Variants in ZNF385B observed in about 807,000 individuals in gnomAD.
ZNF385B encodes the protein zinc finger protein 533.
Under a neutral mutation model 39.2 loss-of-function variants are expected in ZNF385B, and 23 were observed. The observed-to-expected ratio is 0.59, with a 90% CI of 0.42 to 0.83. ZNF385B has a LOEUF of 0.83. Ranked by LOEUF, ZNF385B falls within the 40% of genes least tolerant of loss-of-function variation. The pLI, the probability that ZNF385B is intolerant of heterozygous loss-of-function variation, is 0.00. For synonymous variants in ZNF385B, 205 were observed against 222.6 expected (o/e 0.92, Z 0.70); for missense variants, 552 against 598.9 (o/e 0.92, Z 0.82).
intron 1 of ZNF385B, among the ~76,000 whole-genome samples, chr2:179,771,242 A>C (rs1703991418): frequency 2.0e-5 from 3 of 152,180 alleles, no homozygotes; most frequent in South Asian, 2.1e-4. Flanking sequence ...AAAAGGAAGG[A>C]GCTACTAGAG....
At chr2:179,467,285 G>C (rs552516545) in intron 6 of ZNF385B, among the ~76,000 whole-genome samples, 2 of 152,138 alleles carry the variant, frequency 1.3e-5, no homozygotes, top group African/African-American at 4.8e-5. Context: ...GTATAGTATA[G>C]TACAGGCTGC....
intron 1 of ZNF385B, among the ~76,000 whole-genome samples, chr2:179,830,522 T>A (rs886745872): frequency 2.6e-5 from 4 of 152,190 alleles, no homozygotes; most frequent in African/African-American, 9.7e-5. Flanking sequence ...TCCAATGTAA[T>A]ATTATTCAGC....
chr2:179,494,039 C>G (rs2055881769), intron 5 of ZNF385B, among the ~76,000 whole-genome samples: 1 of 151,248 alleles, frequency 6.6e-6, no homozygotes. Flanking sequence ...AAGTGATACA[C>G]CTATGAACAT....
At chr2:179,810,234 G>A (rs181683829) in intron 1 of ZNF385B, among the ~76,000 whole-genome samples, 7 of 151,842 alleles carry the variant, frequency 4.6e-5, no homozygotes, top group Admixed American at 2.0e-4. Context: ...AAGGAAGGAC[G>A]TTAAGCATAG....
chr2:179,464,210 G>A (rs575941045), intron 6 of ZNF385B, among the ~76,000 whole-genome samples: 2 of 152,140 alleles, frequency 1.3e-5, no homozygotes, highest in East Asian at 3.9e-4. Context: ...TTCTTTTCTT[G>A]TAAATTTGTT....
At chr2:179,683,792 C>T (rs2106329866) in intron 3 of ZNF385B, among the ~76,000 whole-genome samples, 1 of 152,228 alleles carries the variant, frequency 6.6e-6, no homozygotes, top group African/African-American at 2.4e-5. Context: ...TGTTTTATAA[C>T]AACAAAACTG....
intron 1 of ZNF385B, among the ~76,000 whole-genome samples, chr2:179,806,361 T>G (rs1402874523): frequency 6.6e-6 from 1 of 152,178 alleles, no homozygotes; most frequent in Admixed American, 6.5e-5. Context: ...GCTTTGTAAT[T>G]GGCTCCTTGT....
At chr2:179,449,277 A>C (rs1008415619) in intron 6 of ZNF385B, among the ~76,000 whole-genome samples, 1 of 152,132 alleles carries the variant, frequency 6.6e-6, no homozygotes, top group Non-Finnish European at 1.5e-5. Flanking sequence ...TTTTTCATTA[A>C]AGAAGTGACA....
At chr2:179,778,644 A>G (rs1704485073) in intron 1 of ZNF385B, among the ~76,000 whole-genome samples, 2 of 152,206 alleles carry the variant, frequency 1.3e-5, no homozygotes, top group South Asian at 4.1e-4. Flanking sequence ...AGTCAAAGAG[A>G]ACACATTACA....
At chr2:179,599,635 T>A (rs1434054064) in intron 3 of ZNF385B, among the ~76,000 whole-genome samples, 2 of 152,206 alleles carry the variant, frequency 1.3e-5, no homozygotes, top group Non-Finnish European at 2.9e-5. Context: ...TTTCCTTAAG[T>A]AGGTACCCAA....
chr2:179,458,365 TTCTGCCATGATTGTGAGTCCTC>T (rs1439016806), intron 6 of ZNF385B, among the ~76,000 whole-genome samples: 1 of 152,234 alleles, frequency 6.6e-6, no homozygotes, highest in Non-Finnish European at 1.5e-5. Context: ...CCTCCTTGCC[TTCTGCCATGATTGTGAGTCCTC>T]TCCAGCCATG....
At chr2:179,692,476 T>C (rs1337174916) in intron 3 of ZNF385B, among the ~76,000 whole-genome samples, 1 of 152,122 alleles carries the variant, frequency 6.6e-6, no homozygotes, top group Non-Finnish European at 1.5e-5. Context: ...CAGTATCCCT[T>C]ATAGATAATC....
chr2:179,453,971 T>C (rs2050416420), intron 6 of ZNF385B, among the ~76,000 whole-genome samples: 1 of 152,088 alleles, frequency 6.6e-6, no homozygotes, highest in Admixed American at 6.6e-5. Flanking sequence ...CTCTAATTCC[T>C]CCTCTTATCC....
chr2:179,713,836 A>G (rs1391155848), intron 3 of ZNF385B, among the ~76,000 whole-genome samples: 2 of 152,330 alleles, frequency 1.3e-5, no homozygotes, highest in East Asian at 3.9e-4. Flanking sequence ...TAACTCATAA[A>G]TCTTTATATT....
At chr2:179,525,537 C>T (rs992363673) in intron 4 of ZNF385B, among the ~76,000 whole-genome samples, 3 of 152,142 alleles carry the variant, frequency 2.0e-5, no homozygotes, top group Admixed American at 6.5e-5. Flanking sequence ...CTAAGCAGAC[C>T]GCAGCTACAA....
intron 3 of ZNF385B, among the ~76,000 whole-genome samples, chr2:179,668,732 T>C (rs1271387592): frequency 6.6e-6 from 1 of 152,092 alleles, no homozygotes; most frequent in Admixed American, 6.5e-5. Flanking sequence ...AGGGACAATT[T>C]TAATTTTTTG....
intron 1 of ZNF385B, among the ~76,000 whole-genome samples, chr2:179,835,662 CCTT>C (rs1559237161): frequency 1.3e-5 from 2 of 151,998 alleles, no homozygotes; most frequent in Non-Finnish European, 2.9e-5. Flanking sequence ...ATCCCCACTT[CCTT>C]CTTCTGTTTG....
At chr2:179,793,806 CAG>C (rs1274855079) in intron 1 of ZNF385B, among the ~76,000 whole-genome samples, 1 of 152,142 alleles carries the variant, frequency 6.6e-6, no homozygotes, top group African/African-American at 2.4e-5. Context: ...GAAAAGATAA[CAG>C]AAATACTGGA....
intron 3 of ZNF385B, among the ~76,000 whole-genome samples, chr2:179,657,832 G>A (rs2292652): frequency 0.18 from 27,379 of 152,052 alleles, 2,869 homozygotes; most frequent in Admixed American, 0.24. Flanking sequence ...TTTAATATTG[G>A]TATCCTTATT....
Sources: allele counts gnomAD v4.1 joint callset (sites outside exome capture counted in the v4.1 genomes callset), GRCh38; gene constraint gnomAD v4.1.1; transcripts MANE v1.5; gene names NCBI Gene and HGNC (gene_info 2026-07-23, HGNC 2026-07-21).